Variants in PAQR9 observed in about 807,000 individuals in gnomAD.
PAQR9 encodes the protein progestin and adipoQ receptor family member 9, also known as membrane progestin receptor epsilon.
PAQR9 carries 12 observed loss-of-function variants against 24.0 expected under a neutral mutation model. The observed-to-expected ratio is 0.50, with a 90% CI of 0.32 to 0.81. The LOEUF is 0.81. PAQR9 is among the 30% of genes least tolerant of loss of function. The probability of loss-of-function intolerance (pLI) is 0.03; values close to 1 mark genes in which losing one functional copy is unlikely to be tolerated. For missense variants in PAQR9, 418 were observed against 520.8 expected (o/e 0.80, Z 1.92); for synonymous variants, 266 against 237.6 (o/e 1.12, Z -1.10).
downstream of PAQR9, among the ~76,000 whole-genome samples, chr3:142,954,546 A>G (rs778099658): frequency 4.2e-4 from 64 of 152,372 alleles, no homozygotes; most frequent in Non-Finnish European, 7.3e-4. Context: ...GCTGAAAGAT[A>G]ACTGTTGGAC....
At chr3:142,963,740 GC>G, upstream of PAQR9, 4 of 893,326 alleles carry the variant, frequency 4.5e-6, no homozygotes, top group Non-Finnish European at 5.4e-6. Flanking sequence ...GGATGTGCGA[GC>G]CGAGGCGCGG....
chr3:142,951,479 A>G, downstream of PAQR9: 1 of 308,098 alleles, frequency 3.2e-6, no homozygotes, highest in South Asian at 2.6e-5. Context: ...GGGAATAAAG[A>G]GCATTCCTGA....
At position 142,962,979 on chromosome 3, in the gene PAQR9, G is replaced by A. The variant is rs139167806; in HGVS notation, c.358C>T (p.Leu120=). The change falls in exon 1 of 1, where the codon CTA becomes TTA. Residue 120 remains leucine (L), a synonymous_variant. Transcript: ENST00000340634. ...CCCGACGCGTAGCACCACAACGGTAGCAGCCACGGGTGGTGGAAGGGCACG... is the reference window on the plus strand; with the variant it reads ...CCCGACGCGTAGCACCACAACGGTAACAGCCACGGGTGGTGGAAGGGCACG... The part of the protein sequence containing the change: ...GDVPFHHPWL[L]PLWCYASGVL... 14 of 1,614,006 alleles carry A rather than the reference G, an allele frequency of 8.7e-6. No homozygotes were observed. In the African/African-American group the frequency reaches 1.7e-4, roughly 20 times the overall value.
At chr3:142,949,324 G>A (rs2108236525) in exon 3 of PAQR9, 1 of 152,252 alleles carries the variant, frequency 6.6e-6, no homozygotes, top group Admixed American at 6.5e-5. Flanking sequence ...AGTGAGGTAG[G>A]GATGAACTAA....
downstream of PAQR9, among the ~76,000 whole-genome samples, chr3:142,952,052 G>GC (rs537579305): frequency 1.7e-4 from 25 of 149,692 alleles, no homozygotes; most frequent in Non-Finnish European, 3.6e-4. Flanking sequence ...AAAGAAGGGG[G>GC]GGGGGTGTTG....
At chr3:142,951,186 G>A (rs1306110519), downstream of PAQR9, among the ~76,000 whole-genome samples, 2 of 152,126 alleles carry the variant, frequency 1.3e-5, no homozygotes, top group Non-Finnish European at 2.9e-5. Context: ...AAAGTGCTGG[G>A]ATTACAGGCA....
rs184770751 is a variant in PAQR9, at chr3:142,957,417, C to T, written c.*4786G>A. Among the ~76,000 whole-genome samples the T allele has an allele frequency of 1.3e-5, 2 of 152,208 alleles. No homozygotes were observed. The highest frequency in any genetic ancestry group is 6.5e-5 in the Admixed American group (1 of 15,280). ...CATGCATTCTTCCTATCTTTTTTACCTCTGACACTTTTTAATGATTTCCTC... is the reference window on the plus strand; with the variant it reads ...CATGCATTCTTCCTATCTTTTTTACTTCTGACACTTTTTAATGATTTCCTC... On this transcript the variant is annotated 3_prime_UTR_variant, in exon 1 of 1. Transcript: ENST00000340634.
At position 142,955,420 on chromosome 3, in the gene PAQR9, C is replaced by T. The variant is rs1280951097; in HGVS notation, c.*6783G>A. Among the ~76,000 whole-genome samples the T allele has an allele frequency of 8.8e-6, 1 of 113,912 alleles. No homozygotes were observed. The highest frequency in any genetic ancestry group is 2.7e-4 in the East Asian group (1 of 3,734). 74.7% of individuals were successfully genotyped at this position (113,912 alleles called of 152,430 possible). On this transcript the variant is annotated 3_prime_UTR_variant, in exon 1 of 1. Transcript: ENST00000340634. Reference sequence around the variant, plus strand: ...TGGCTGAAATGAAGAGAGTTCAGAGCGACCACATGGTCTATACAAATTAAA... The same window carrying T: ...TGGCTGAAATGAAGAGAGTTCAGAGTGACCACATGGTCTATACAAATTAAA...
downstream of PAQR9, chr3:142,951,869 T>C: frequency 2.4e-6 from 1 of 424,460 alleles, no homozygotes; most frequent in Non-Finnish European, 4.6e-6. Context: ...GAGAACAGAA[T>C]GGGAAAGAGG....
chr3:142,954,641 T>C lies in PAQR9; in HGVS notation c.*7562A>G, dbSNP rs1427525366. On this transcript the variant is annotated 3_prime_UTR_variant, in exon 1 of 1. Transcript: ENST00000340634. Reference sequence around the variant, plus strand: ...ACATTTGTTTTTCAGCAAAAATGCATAGTCATATTATTTACACAGAATTTC... The same window carrying C: ...ACATTTGTTTTTCAGCAAAAATGCACAGTCATATTATTTACACAGAATTTC... Among the ~76,000 whole-genome samples, 1 of 152,210 alleles carries C rather than the reference T, an allele frequency of 6.6e-6. No homozygotes were observed. Among genetic ancestry groups the C allele is most frequent in the Admixed American group, 6.5e-5 (1 of 15,282 alleles).
chr3:142,962,703 G>A lies in PAQR9; in HGVS notation c.634C>T (p.Leu212=). ...AGCACGAAGGCCACAGGCAGCACCA[G>A]GGCGCGGTAGGCGGCGATAAGGCGC... ...CTRLIAAYRA[L]VLPVAFVLAV... is the part of the protein sequence containing the mutation. Residue 212 remains leucine (L), a synonymous_variant, in exon 1 of 1, where the codon CTG becomes TTG. Transcript: ENST00000340634. The A allele has an allele frequency of 6.2e-7, 1 of 1,612,808 alleles. No individual in the cohort carries two copies. The highest frequency in any genetic ancestry group is 1.1e-5 in the South Asian group (1 of 90,928).
chr3:142,963,155 G>A lies in PAQR9; in HGVS notation c.182C>T (p.Ser61Leu), dbSNP rs1032032212. The A allele has an allele frequency of 1.2e-6, 2 of 1,605,302 alleles. No individual in the cohort carries two copies. The highest frequency in any genetic ancestry group is 1.7e-6 in the Non-Finnish European group (2 of 1,175,978). Residue 61 changes from serine (S) to leucine (L), a missense_variant, in exon 1 of 1, where the codon TCG becomes TTG. Transcript: ENST00000340634. ...PDDFVECFIL[S>L]GYRRLPCTAQ... ...CGTGCACGGCAGACGCCGGTAGCCCGACAGGATGAAGCACTCCACGAAGTC... is the reference window on the plus strand; with the variant it reads ...CGTGCACGGCAGACGCCGGTAGCCCAACAGGATGAAGCACTCCACGAAGTC...
At chr3:142,950,211 T>C (rs1336586363), downstream of PAQR9, 1 of 152,216 alleles carries the variant, frequency 6.6e-6, no homozygotes, top group Non-Finnish European at 1.5e-5. Context: ...TTGCTCTGTT[T>C]CTTCAAACTG....
At position 142,962,638 on chromosome 3, in the gene PAQR9, G is replaced by A. The variant is rs373178792; in HGVS notation, c.699C>T (p.Thr233=). 1 of 1,611,724 alleles carries A rather than the reference G, an allele frequency of 6.2e-7. No individual in the cohort carries two copies. The highest frequency in any genetic ancestry group is 8.5e-7 in the Non-Finnish European group (1 of 1,179,070). Residue 233 remains threonine (T), a synonymous_variant, in exon 1 of 1, where the codon ACC becomes ACT. Coordinates refer to ENST00000340634, the MANE Select transcript of PAQR9 (RefSeq NM_198504.4). ...ACTVACCKSR[T]DWCTYPFALR... is the part of the protein sequence containing the mutation. ...GCGCGAACGGGTAGGTACACCAGTC[G>A]GTACGGCTCTTGCAGCAGGCCACAG... is the stretch of plus-strand genomic sequence containing the variant.
In PAQR9 at chr3:142,963,560, G is replaced by A. The variant is rs1273467869; in HGVS notation, c.-224C>T. On this transcript the variant is annotated 5_prime_UTR_variant, in exon 1 of 1. Transcript: ENST00000340634. ...GCGCTGCGACCGCCAGGAGCGCGGA[G>A]CGCGCGAGGCTCAGCGGCTTCCTCG... 2.1e-6 allele frequency: 2 copies of A among 968,012 alleles called. No individual in the cohort carries two copies. The highest frequency in any genetic ancestry group is 3.5e-5 in the African/African-American group (2 of 56,604). The allele number at this position is 968,012 out of a possible 1,614,324, so 60.0% of individuals were successfully genotyped here.
At chr3:142,950,943 C>CAGTGTTAGA (rs1934702627), downstream of PAQR9, among the ~76,000 whole-genome samples, 1 of 152,182 alleles carries the variant, frequency 6.6e-6, no homozygotes, top group South Asian at 2.1e-4. Flanking sequence ...GATTCTCACC[C>CAGTGTTAGA]AGTGTTAGAA....
Position 142,959,841 on chromosome 3 carries a change from T to C in PAQR9, c.*2362A>G, listed in dbSNP as rs966996028. 2.0e-5 allele frequency among the ~76,000 whole-genome samples: 3 copies of C among 152,336 alleles called. No homozygotes were observed. Among genetic ancestry groups the C allele is most frequent in the Non-Finnish European group, 4.4e-5 (3 of 68,024 alleles). On this transcript the variant is annotated 3_prime_UTR_variant, in exon 1 of 1. Transcript: ENST00000340634. The stretch of plus-strand genomic sequence containing the variant: ...TCCTCCTGAAAGTTCCTTCTGAAAT[T>C]GAGGTCCCATTTTACAAAGAAACTA...
chr3:142,951,897 C>T (rs1468285481), downstream of PAQR9: 2 of 392,078 alleles, frequency 5.1e-6, no homozygotes, highest in East Asian at 7.3e-5. Context: ...AAAAGTCTAT[C>T]CATCAACAAG....
rs1401195632 is a variant in PAQR9 at position 142,959,116 on chromosome 3, CATAG to C, written c.*3083_*3086del. On this transcript the variant is annotated 3_prime_UTR_variant, in exon 1 of 1. Transcript: ENST00000340634. ...AATTCTACTGCCAAAATAGGTTGTACATAGATAATGGACTGAATTCTTATTTATA... is the reference window on the plus strand; with the variant it reads ...AATTCTACTGCCAAAATAGGTTGTACATAATGGACTGAATTCTTATTTATA... 6.6e-6 allele frequency among the ~76,000 whole-genome samples: 1 copy of C among 152,162 alleles called. No homozygotes were observed. Among genetic ancestry groups the C allele is most frequent in the Non-Finnish European group, 1.5e-5 (1 of 68,030 alleles).
Sources: gnomAD v4.1 joint callset for allele counts (sites outside exome capture counted in the v4.1 genomes callset) on GRCh38, gnomAD v4.1.1 for gene constraint, MANE v1.5 for transcripts, NCBI Gene and HGNC (gene_info 2026-07-23, HGNC 2026-07-21) for gene names.